Variants in AGR3 observed in about 807,000 individuals in gnomAD.
AGR3 encodes the protein anterior gradient 3, protein disulphide isomerase family member.
Under a neutral mutation model 24.5 loss-of-function variants are expected in AGR3, and 37 were observed. The observed-to-expected ratio is 1.51, with a 90% CI of 1.16 to 1.99. The LOEUF (loss-of-function observed/expected upper bound fraction) is 1.99. Among genes scored for constraint, AGR3 ranks in the 30% most tolerant of loss-of-function variants. The pLI is 0.00. For missense variants in AGR3, 228 were observed against 191.1 expected (o/e 1.19, Z -1.14); for synonymous variants, 75 against 61.6 (o/e 1.22, Z -1.02).
intron 2 of AGR3, among the ~76,000 whole-genome samples, chr7:16,875,233 A>G (rs1781963880): frequency 6.6e-6 from 1 of 152,120 alleles, no homozygotes; most frequent in African/African-American, 2.4e-5. Flanking sequence ...AAGAAACCCT[A>G]TACCATTTAG....
rs1414417738 is a variant in AGR3, at chr7:16,878,592, G to A, written c.27C>T (p.Leu9=). The part of the protein sequence containing the change: MMLHSALG[L]CLLLVTVSSN... ...AAGAAACTGTGACGAGTAAGAGGCA[G>A]AGACCCAAAGCTGAGTGTAGCATCA... Residue 9 remains leucine, a synonymous_variant, in exon 2 of 8, where the codon CTC becomes CTT. Transcript: ENST00000310398. The A allele has an allele frequency of 6.2e-7, 1 of 1,614,152 alleles. No homozygotes were observed. Among genetic ancestry groups the A allele is most frequent in the East Asian group, 2.2e-5 (1 of 44,870 alleles).
rs1275196670 is a variant in AGR3 at position 16,861,925 on chromosome 7, A to G, written c.303+59T>C. 24 of 1,448,264 alleles carry G rather than the reference A, an allele frequency of 1.7e-5. No homozygotes were observed. The East Asian group carries it at 4.1e-4, about 25-fold the overall frequency. The allele number at this position is 1,448,264 out of a possible 1,614,324, so 89.7% of individuals were successfully genotyped here. On this transcript the variant is annotated intron_variant, in intron 5 of 7. Coordinates refer to ENST00000310398, the MANE Select transcript of AGR3 (RefSeq NM_176813.5). ...AAAAAAAAAAAAAAAAAAGAAAAAA[A>G]CGGATTCAAAATTTCCATGAAATTA...
At chr7:16,863,336 CA>C (rs1348514285) in intron 3 of AGR3, among the ~76,000 whole-genome samples, 3 of 152,050 alleles carry the variant, frequency 2.0e-5, no homozygotes, top group Non-Finnish European at 2.9e-5. Flanking sequence ...AAAGTTTTTA[CA>C]AAAAAGCTGT....
intron 6 of AGR3, among the ~76,000 whole-genome samples, chr7:16,860,865 A>T (rs901705913): frequency 1.3e-5 from 2 of 152,124 alleles, no homozygotes; most frequent in Non-Finnish European, 2.9e-5. Context: ...ATGTGTAACC[A>T]GTGTTTAGCT....
chr7:16,872,702 A>T (rs1781907484), intron 3 of AGR3, among the ~76,000 whole-genome samples: 1 of 152,228 alleles, frequency 6.6e-6, no homozygotes, highest in Non-Finnish European at 1.5e-5. Context: ...CAAACTATTC[A>T]TTCGACATGG....
intron 3 of AGR3, among the ~76,000 whole-genome samples, chr7:16,871,367 T>G (rs1179050870): frequency 1.3e-5 from 2 of 152,228 alleles, no homozygotes; most frequent in African/African-American, 4.8e-5. Context: ...GAGCAAATAC[T>G]TGTGGCATCC....
chr7:16,872,904 T>A (rs1300788502), intron 3 of AGR3, among the ~76,000 whole-genome samples: 1 of 152,080 alleles, frequency 6.6e-6, no homozygotes, highest in Non-Finnish European at 1.5e-5. Flanking sequence ...CAATGAGATA[T>A]TATCCCACCA....
Position 16,878,651 on chromosome 7 carries a change from T to C in AGR3, c.-27-6A>G, listed in dbSNP as rs1335049623. 6.4e-7 allele frequency: 1 copy of C among 1,565,978 alleles called. No homozygotes were observed. Among genetic ancestry groups the C allele is most frequent in the African/African-American group, 1.4e-5 (1 of 73,622 alleles). ...AGAGACTCTCTCAGAAGAAGCTAGA[T>C]GACAGAAAGGAATTCTCAGAATCCA... is the stretch of plus-strand genomic sequence containing the variant. On this transcript the variant is annotated splice_region_variant and splice_polypyrimidine_tract_variant and intron_variant, in intron 1 of 7. Transcript: ENST00000310398.
chr7:16,858,612 C>T (rs1781585524), downstream of AGR3, among the ~76,000 whole-genome samples: 1 of 152,100 alleles, frequency 6.6e-6, no homozygotes, highest in Non-Finnish European at 1.5e-5. Flanking sequence ...TGGCTCGGGC[C>T]TGTAATCCCA....
At chr7:16,873,128 G>C (rs546255518) in intron 3 of AGR3, among the ~76,000 whole-genome samples, 1 of 152,098 alleles carries the variant, frequency 6.6e-6, no homozygotes, top group East Asian at 1.9e-4. Context: ...GTATATCAAA[G>C]AGATATTTGC....
intron 1 of AGR3, among the ~76,000 whole-genome samples, chr7:16,880,787 G>C (rs1782104563): frequency 6.6e-6 from 1 of 152,052 alleles, no homozygotes; most frequent in Admixed American, 6.6e-5. Context: ...TTTTAGTACA[G>C]GACAGGGACA....
intron 1 of AGR3, among the ~76,000 whole-genome samples, chr7:16,881,401 T>TA (rs1782114228): frequency 6.6e-6 from 1 of 152,206 alleles, no homozygotes; most frequent in African/African-American, 2.4e-5. Flanking sequence ...CTTTCCTTGG[T>TA]AAAATATAGT....
intron 2 of AGR3, 117 bp from the exon 3 acceptor site, chr7:16,873,960 G>A (rs1781935416): frequency 1.2e-6 from 1 of 817,140 alleles, no homozygotes; most frequent in Admixed American, 2.1e-5. Context: ...CAAGCTGTTG[G>A]CTGACATATG....
At chr7:16,874,749 T>C (rs549742735) in intron 2 of AGR3, among the ~76,000 whole-genome samples, 72 of 152,248 alleles carry the variant, frequency 4.7e-4, no homozygotes, top group African/African-American at 1.7e-3. Context: ...TTTTTGCTTG[T>C]TTTTCATGTT....
chr7:16,877,296 T>C (rs1782003029), intron 2 of AGR3, among the ~76,000 whole-genome samples: 1 of 103,920 alleles, frequency 9.6e-6, no homozygotes, highest in East Asian at 2.6e-4. Flanking sequence ...TTATATATAA[T>C]ATATAGTATA....
intron 1 of AGR3, among the ~76,000 whole-genome samples, chr7:16,880,861 G>GC (rs1782105552): frequency 6.6e-6 from 1 of 152,060 alleles, no homozygotes; most frequent in African/African-American, 2.4e-5. Flanking sequence ...GTTGGGAGTT[G>GC]CAGTGGAGGA....
chr7:16,861,244 C>T (rs1168595783), intron 6 of AGR3, 140 bp downstream of exon 6: 1 of 592,020 alleles, frequency 1.7e-6, no homozygotes, highest in African/African-American at 1.9e-5. Context: ...GATTGTAGAA[C>T]TAACAAGAGC....
At chr7:16,878,190 A>G (rs1014099968) in intron 2 of AGR3, among the ~76,000 whole-genome samples, 7 of 152,012 alleles carry the variant, frequency 4.6e-5, no homozygotes, top group East Asian at 3.9e-4. Context: ...TTAAATTGCT[A>G]TTAGGACACC....
chr7:16,864,334 T>C, intron 3 of AGR3: 1 of 1,362,070 alleles, frequency 7.3e-7, no homozygotes. Flanking sequence ...TGAAAAGAGC[T>C]GAGGCTGGCT....
Sources: gnomAD v4.1 joint callset for allele counts (sites outside exome capture counted in the v4.1 genomes callset) on GRCh38, gnomAD v4.1.1 for gene constraint, MANE v1.5 for transcripts, NCBI Gene and HGNC (gene_info 2026-07-23, HGNC 2026-07-21) for gene names.